The following PTPRU variants were observed in gnomAD, a reference collection of about 807,000 sequenced individuals.
PTPRU encodes receptor-type tyrosine-protein phosphatase U.
PTPRU carries 69 observed loss-of-function variants against 166.3 expected under a neutral mutation model. The ratio of observed to expected loss-of-function variants is 0.41; its 90% confidence interval spans 0.34 to 0.51. The LOEUF is 0.51. Among genes scored for constraint, PTPRU ranks in the 20% least tolerant of loss-of-function variants. The pLI, the probability that PTPRU is intolerant of heterozygous loss-of-function variation, is 0.09. For synonymous variants in PTPRU, 793 were observed against 814.0 expected (o/e 0.97, Z 0.44); for missense variants, 1,657 against 2,013.7 (o/e 0.82, Z 3.39).
At chr1:29,245,484 C>G (rs1342893998) in intron 1 of PTPRU, among the ~76,000 whole-genome samples, 2 of 152,184 alleles carry the variant, frequency 1.3e-5, no homozygotes, top group Non-Finnish European at 2.9e-5. Flanking sequence ...TGCAGCGTGC[C>G]AGGCTCTGGA....
chr1:29,259,450 A>G lies in PTPRU; in HGVS notation c.561A>G (p.Ala187=). ...DDILLLSYPC[A]KAPHFSRLGD... ...CACGATGCAGCTCTAACCCCGCAGCAAAGGCCCCACACTTCTCCCGCCTGG... is the reference window on the plus strand; with the variant it reads ...CACGATGCAGCTCTAACCCCGCAGCGAAGGCCCCACACTTCTCCCGCCTGG... Residue 187 remains alanine (A), a splice_region_variant and synonymous_variant, in exon 5 of 30, where the codon GCA becomes GCG. Coordinates refer to ENST00000373779, the MANE Select transcript of PTPRU (RefSeq NM_133178.4). 1 of 1,610,568 alleles carries G rather than the reference A, an allele frequency of 6.2e-7. No individual in the cohort carries two copies. The highest frequency in any genetic ancestry group is 1.1e-5 in the South Asian group (1 of 90,852).
intron 15 of PTPRU, among the ~76,000 whole-genome samples, chr1:29,293,237 C>T (rs1276827804): frequency 6.6e-6 from 1 of 152,172 alleles, no homozygotes; most frequent in Non-Finnish European, 1.5e-5. Flanking sequence ...CTTGGCCTCC[C>T]AGAGTCTTGG....
In PTPRU at chr1:29,279,063, T is replaced by G; in HGVS notation, c.1505T>G (p.Met502Arg). 6.3e-7 allele frequency: 1 copy of G among 1,593,672 alleles called. No individual in the cohort carries two copies. Among genetic ancestry groups the G allele is most frequent in the Non-Finnish European group, 8.5e-7 (1 of 1,169,652 alleles). ...ESLTFTPLED[M>R]IFLKWEEPQE... ...CTGACCTTCACTCCACTGGAGGACA[T>G]GATCTTCCTCAAGTGGGAGGAGCCC... Residue 502 changes from methionine (M) to arginine (R), a missense_variant, in exon 9 of 30, where the codon ATG (methionine) becomes AGG (arginine). By Grantham distance (91) the Met-to-Arg change is moderately conservative. Around this residue, in one of 3 missense-constraint regions of PTPRU, gnomAD observed 1,190 missense variants for 1,477.4 expected, o/e 0.81. Coordinates refer to ENST00000373779, the MANE Select transcript of PTPRU (RefSeq NM_133178.4). This position sits in a 1 kb window ranked among gnomAD's most constrained non-coding sequence, Gnocchi z 5.2.
chr1:29,316,193 C>G (rs1412942734), intron 24 of PTPRU, 42 bp downstream of exon 24: 11 of 1,552,602 alleles, frequency 7.1e-6, no homozygotes, highest in Admixed American at 1.7e-5. Flanking sequence ...GTGTGTGTGT[C>G]TGTGTGTGTG....
chr1:29,321,881 C>T (rs1267943421), intron 26 of PTPRU, among the ~76,000 whole-genome samples: 3 of 152,222 alleles, frequency 2.0e-5, no homozygotes, highest in East Asian at 1.9e-4. Context: ...GGCAGCCCCT[C>T]TGACTCCCCT....
At chr1:29,247,531 T>C (rs2151940599) in intron 1 of PTPRU, among the ~76,000 whole-genome samples, 1 of 152,348 alleles carries the variant, frequency 6.6e-6, no homozygotes, top group Non-Finnish European at 1.5e-5. Flanking sequence ...CTGCTCGGGT[T>C]TGTGCACAGC....
Position 29,320,610 on chromosome 1 carries a change from G to A in PTPRU, c.3688-75G>A, listed in dbSNP as rs1557489294. The stretch of plus-strand genomic sequence containing the variant: ...CAACTCAGGGTGGGCAGTGCGGGAA[G>A]ACAGCCTGGGGCAGAGGCTCAGCCC... On this transcript the variant is annotated intron_variant, in intron 25 of 29. Coordinates refer to ENST00000373779, the MANE Select transcript of PTPRU (RefSeq NM_133178.4). The surrounding 1 kb of genome is among the most constrained non-coding windows in gnomAD (Gnocchi z 5.2). 5 of 1,447,324 alleles carry A rather than the reference G, an allele frequency of 3.5e-6. No individual in the cohort carries two copies. The East Asian group carries it at 9.9e-5, about 29-fold the overall frequency. 89.7% of individuals were successfully genotyped at this position (1,447,324 alleles called of 1,614,324 possible).
chr1:29,301,735 C>A (rs955079175), intron 15 of PTPRU, among the ~76,000 whole-genome samples: 1 of 152,148 alleles, frequency 6.6e-6, no homozygotes, highest in Non-Finnish European at 1.5e-5. Context: ...CTTCCCCCCT[C>A]CCCTCATCCC....
chr1:29,292,815 G>GTTTTTTT (rs774242717), intron 15 of PTPRU, among the ~76,000 whole-genome samples: 2 of 132,988 alleles, frequency 1.5e-5, no homozygotes, highest in African/African-American at 2.8e-5. Context: ...AAATTGTTGT[G>GTTTTTTT]TTTTTTTTTT....
chr1:29,259,216 G>A, intron 3 of PTPRU, 45 bp from the exon 4 acceptor site: 1 of 1,573,524 alleles, frequency 6.4e-7, no homozygotes, highest in Non-Finnish European at 8.7e-7. Context: ...CCCAGGCAAG[G>A]CTGGAGGAAT....
intron 7 of PTPRU, among the ~76,000 whole-genome samples, chr1:29,269,424 C>A (rs1261608185): frequency 6.6e-6 from 1 of 151,258 alleles, no homozygotes; most frequent in Non-Finnish European, 1.5e-5. Flanking sequence ...GCAGCAGCAG[C>A]AGCTGCTGCT....
Position 29,315,511 on chromosome 1 carries a change from C to G in PTPRU, c.3363+4C>G. The G allele has an allele frequency of 6.2e-7, 1 of 1,614,068 alleles. No homozygotes were observed. Reference sequence around the variant, plus strand: ...TGTCAACATGATCCAGACTGAGGTGCGGGGACCTGGCCCTGTCCCCACCAT... The same window carrying G: ...TGTCAACATGATCCAGACTGAGGTGGGGGGACCTGGCCCTGTCCCCACCAT... On this transcript the variant is annotated splice_donor_region_variant and intron_variant, in intron 23 of 29. Coordinates refer to ENST00000373779, the MANE Select transcript of PTPRU (RefSeq NM_133178.4). This position sits in a 1 kb window ranked among gnomAD's most constrained non-coding sequence, Gnocchi z 4.5.
In PTPRU at chr1:29,323,702, C is replaced by G; in HGVS notation, c.4026C>G (p.Asp1342Glu). The change falls in exon 28 of 30, where the codon GAC becomes GAG. Residue 1342 changes from aspartate (D) to glutamate (E), a missense_variant. Physicochemically the swap from Asp to Glu is conservative, Grantham distance 45 (BLOSUM62 2). Coordinates refer to ENST00000373779, the MANE Select transcript of PTPRU (RefSeq NM_133178.4). Reference sequence around the variant, plus strand: ...GGTCTGCATACCGGGACACACCTGACTCCAAGAAGGCCTTCTTGCACCTGC... The same window carrying G: ...GGTCTGCATACCGGGACACACCTGAGTCCAAGAAGGCCTTCTTGCACCTGC... The part of the protein sequence containing the change: ...LRWSAYRDTP[D>E]SKKAFLHLLA... The G allele has an allele frequency of 6.2e-7, 1 of 1,614,172 alleles. No individual in the cohort carries two copies. The highest frequency in any genetic ancestry group is 8.5e-7 in the Non-Finnish European group (1 of 1,180,006).
intron 7 of PTPRU, among the ~76,000 whole-genome samples, chr1:29,263,084 A>C (rs1685145138): frequency 6.6e-6 from 1 of 152,188 alleles, no homozygotes; most frequent in Non-Finnish European, 1.5e-5. Context: ...TCCTGGGATC[A>C]AGGGATTCTC....
chr1:29,269,219 C>CAAATATATATATATATATAT (rs1365617963), intron 7 of PTPRU, among the ~76,000 whole-genome samples: 5 of 42,396 alleles, frequency 1.2e-4, no homozygotes, highest in Non-Finnish European at 1.6e-4. Flanking sequence ...AATTTATATA[C>CAAATATATATATATATATAT]ATATATATAT....
In PTPRU at chr1:29,318,153, G is replaced by A. The variant is rs568695783; in HGVS notation, c.3687+232G>A. ...GGTCTGGTTGTGGAGTTCAGGCAGG[G>A]CTGTCTCCAAGATTAGGCCCAGCAG... On this transcript the variant is annotated intron_variant, in intron 25 of 29. Coordinates refer to ENST00000373779, the MANE Select transcript of PTPRU (RefSeq NM_133178.4). Among the ~76,000 whole-genome samples the A allele has an allele frequency of 2.0e-5, 3 of 152,296 alleles. No individual in the cohort carries two copies. The South Asian group carries it at 6.2e-4, about 32-fold the overall frequency.
intron 14 of PTPRU, among the ~76,000 whole-genome samples, chr1:29,289,216 ATGTG>A (rs369417463): frequency 1.3e-5 from 2 of 151,034 alleles, no homozygotes; most frequent in Non-Finnish European, 3.0e-5. Context: ...GGGATGTCTA[ATGTG>A]TGTGTGTGTG....
At chr1:29,318,950 G>T (rs1409303132) in intron 25 of PTPRU, among the ~76,000 whole-genome samples, 1 of 152,222 alleles carries the variant, frequency 6.6e-6, no homozygotes, top group African/African-American at 2.4e-5. Context: ...TGGGCTTTTT[G>T]CGGCCTGATG....
chr1:29,272,919 A>AAAG (rs1553121313), intron 7 of PTPRU, among the ~76,000 whole-genome samples: 27 of 149,956 alleles, frequency 1.8e-4, no homozygotes, highest in African/African-American at 6.8e-4. Context: ...AAAAAAAAAA[A>AAAG]AAAAAAAAGA....
Sources: gnomAD v4.1 joint callset for allele counts (sites outside exome capture counted in the v4.1 genomes callset) on GRCh38, gnomAD v4.1.1 for gene constraint, gnomAD v4.1.1 regional missense constraint, Gnocchi (gnomAD v3.1) non-coding constraint, MANE v1.5 for transcripts, NCBI Gene and HGNC (gene_info 2026-07-23, HGNC 2026-07-21) for gene names.